The following SAFB variants were observed in gnomAD, a reference collection of about 807,000 sequenced individuals.
The protein encoded by SAFB is scaffold attachment factor B1.
SAFB carries 15 observed loss-of-function variants against 101.6 expected under a neutral mutation model. The ratio of observed to expected loss-of-function variants is 0.15; its 90% CI spans 0.10 to 0.23. The LOEUF (loss-of-function observed/expected upper bound fraction) is 0.23, where lower values mean the gene tolerates loss of function less well. SAFB is among the 10% of genes least tolerant of loss of function. The pLI is 1.00. For missense variants in SAFB, 930 were observed against 1,104.1 expected (o/e 0.84, Z 2.23); for synonymous variants, 449 against 407.5 (o/e 1.10, Z -1.23).
At chr19:5,659,663 G>T (rs976914575) in intron 14 of SAFB, among the ~76,000 whole-genome samples, 3 of 151,264 alleles carry the variant, frequency 2.0e-5, no homozygotes, top group African/African-American at 4.9e-5. Context: ...TTACAGGCGT[G>T]AGCCACTGCG....
rs1411830947 is a variant in SAFB, at chr19:5,653,326, T to G, written c.1444-12T>G. On this transcript the variant is annotated splice_polypyrimidine_tract_variant and intron_variant, in intron 10 of 20. Coordinates refer to ENST00000588852, the MANE Select transcript of SAFB (RefSeq NM_001201338.2). Reference sequence around the variant, plus strand: ...TTAGGAAATGGGGGTAATACTTGATTCTCTTTTTCAGGCCAAAAATGAACC... The same window carrying G: ...TTAGGAAATGGGGGTAATACTTGATGCTCTTTTTCAGGCCAAAAATGAACC... The G allele has an allele frequency of 6.2e-7, 1 of 1,614,094 alleles. No individual in the cohort carries two copies. The highest frequency in any genetic ancestry group is 8.5e-7 in the Non-Finnish European group (1 of 1,179,986).
chr19:5,627,449 CA>C (rs772624367), intron 2 of SAFB, among the ~76,000 whole-genome samples: 1 of 152,150 alleles, frequency 6.6e-6, no homozygotes, highest in Non-Finnish European at 1.5e-5. Context: ...ACATGGAGTC[CA>C]AAAAGTAGGA....
intron 6 of SAFB, 171 bp downstream of exon 6, chr19:5,648,214 A>G (rs2053865496): frequency 3.4e-6 from 2 of 587,568 alleles, no homozygotes; most frequent in Non-Finnish European, 6.0e-6. Context: ...ACCCAGCCAT[A>G]TCACCAGATC....
In SAFB at chr19:5,641,770, C is replaced by G. The variant is rs772315227; in HGVS notation, c.370C>G (p.Gln124Glu). Residue 124 changes from glutamine (Q) to glutamate (E), a missense_variant, in exon 4 of 21, where the codon CAG becomes GAG. Gln to Glu is a conservative substitution (Grantham distance 29). Transcript: ENST00000588852. ...EDVETSLENL[Q>E]DIDIMDISVL... ...TGTTGAGACCAGTCTGGAGAACTTGCAGGACATCGACATCATGGATATCAG... is the reference window on the plus strand; with the variant it reads ...TGTTGAGACCAGTCTGGAGAACTTGGAGGACATCGACATCATGGATATCAG... 30 of 1,613,986 alleles carry G rather than the reference C, an allele frequency of 1.9e-5. No individual in the cohort carries two copies. Among genetic ancestry groups the G allele is most frequent in the Non-Finnish European group, 2.5e-5 (30 of 1,179,974 alleles).
In SAFB at chr19:5,626,493, T is replaced by G. The variant is rs1234746591; in HGVS notation, c.274+4T>G. 6.4e-7 allele frequency: 1 copy of G among 1,562,388 alleles called. No homozygotes were observed. The highest frequency in any genetic ancestry group is 1.7e-5 in the Admixed American group (1 of 58,804). On this transcript the variant is annotated splice_donor_region_variant and intron_variant, in intron 2 of 20. Transcript: ENST00000588852. ...ACATCAAAGAGGTCTAGCAAAGGTA[T>G]GGAGGATTTCATAAGCAAGTTTCAT...
rs767994379 is a variant in SAFB, at chr19:5,667,201, C to A, written c.2453+37C>A. 3.0e-5 allele frequency: 39 copies of A among 1,321,906 alleles called. 1 individual carries two copies. The South Asian group carries it at 4.0e-4, about 14-fold the overall frequency. 81.9% of individuals were successfully genotyped at this position (1,321,906 alleles called of 1,614,324 possible). A position where few individuals can be genotyped will look rare whatever the true frequency, so the allele number is the denominator to read the frequency against. ...ACACCCGACAGTACCTGACCCCCCC[C>A]CCGCCCACAAGGGGGCCCGCAAGTC... On this transcript the variant is annotated intron_variant, in intron 18 of 20. Transcript: ENST00000588852. The surrounding 1 kb of genome is among the most constrained non-coding windows in gnomAD (Gnocchi z 4.0).
intron 14 of SAFB, among the ~76,000 whole-genome samples, chr19:5,660,417 A>G (rs551597990): frequency 6.1e-5 from 8 of 132,190 alleles, no homozygotes; most frequent in Non-Finnish European, 4.6e-5. Flanking sequence ...AAGTGGTGCA[A>G]TCATAGTTCA....
chr19:5,627,743 TCCTC>T, intron 2 of SAFB, among the ~76,000 whole-genome samples: 1 of 152,206 alleles, frequency 6.6e-6, no homozygotes, highest in Non-Finnish European at 1.5e-5. Flanking sequence ...GAGACCTAGT[TCCTC>T]AAAAGACAAC....
intron 2 of SAFB, among the ~76,000 whole-genome samples, chr19:5,640,025 G>GT (rs752150674): frequency 3.4e-4 from 51 of 151,664 alleles, no homozygotes; most frequent in South Asian, 2.3e-3. Flanking sequence ...TGTTTTTTTG[G>GT]TTTTTTTTAG....
At chr19:5,641,991 G>A (rs1191112153) in intron 4 of SAFB, 45 bp downstream of exon 4, 2 of 1,460,450 alleles carry the variant, frequency 1.4e-6, no homozygotes, top group Non-Finnish European at 1.9e-6. Flanking sequence ...GAATGTATCA[G>A]TTCCACAATT....
At chr19:5,625,943 T>G (rs2053349342) in intron 1 of SAFB, among the ~76,000 whole-genome samples, 1 of 152,096 alleles carries the variant, frequency 6.6e-6, no homozygotes, top group African/African-American at 2.4e-5. Flanking sequence ...AGGCACGGCG[T>G]GGAGGGAGTC....
In SAFB at chr19:5,668,369, A is replaced by ATT; in HGVS notation, c.*86_*87dup. ...GAGTTACCTTAAACTGTGTAAAAAT[A>ATT]TTTTTTTTTAATCTGCTGCCATATT... On this transcript the variant is annotated 3_prime_UTR_variant, in exon 21 of 21. Transcript: ENST00000588852. 1.4e-6 allele frequency: 2 copies of ATT among 1,459,948 alleles called. No homozygotes were observed. The highest frequency in any genetic ancestry group is 9.1e-7 in the Non-Finnish European group (1 of 1,103,264). 90.4% of individuals were successfully genotyped at this position (1,459,948 alleles called of 1,614,324 possible).
At chr19:5,625,663 T>C (rs2145388014) in intron 1 of SAFB, among the ~76,000 whole-genome samples, 1 of 152,324 alleles carries the variant, frequency 6.6e-6, no homozygotes, top group South Asian at 2.1e-4. Flanking sequence ...ATGGCTTAGT[T>C]GATGCCAGGC....
chr19:5,656,576 T>A (rs2054066117), intron 13 of SAFB, among the ~76,000 whole-genome samples: 2 of 100,506 alleles, frequency 2.0e-5, no homozygotes, highest in Non-Finnish European at 4.2e-5. Context: ...GCGCCAGCAA[T>A]TTTTTTTTTT....
intron 15 of SAFB, among the ~76,000 whole-genome samples, chr19:5,663,130 G>A (rs889605595): frequency 6.6e-6 from 1 of 151,926 alleles, no homozygotes; most frequent in East Asian, 1.9e-4. Context: ...ACTCTCCCAA[G>A]TAGCTAGGAT....
chr19:5,667,272 C>A lies in SAFB; in HGVS notation c.2454-75C>A, dbSNP rs2054352737. ...TGGGAAACACAGAGGGATTCACTCT[C>A]CAGAAGCCGCCACAGTTATTAGCAC... On this transcript the variant is annotated intron_variant, in intron 18 of 20. Transcript: ENST00000588852. The surrounding 1 kb of genome is among the most constrained non-coding windows in gnomAD (Gnocchi z 4.0). 1.5e-6 allele frequency: 2 copies of A among 1,305,006 alleles called. No homozygotes were observed. Among genetic ancestry groups the A allele is most frequent in the Non-Finnish European group, 2.1e-6 (2 of 961,344 alleles). The allele number at this position is 1,305,006 out of a possible 1,614,324, so 80.8% of individuals were successfully genotyped here.
intron 14 of SAFB, among the ~76,000 whole-genome samples, chr19:5,660,494 C>T (rs537048650): frequency 6.6e-6 from 1 of 151,246 alleles, no homozygotes; most frequent in South Asian, 2.1e-4. Flanking sequence ...GTAGCTACCA[C>T]GCCTGGCTAA....
At chr19:5,639,481 T>G (rs909115827) in intron 2 of SAFB, among the ~76,000 whole-genome samples, 6 of 151,924 alleles carry the variant, frequency 3.9e-5, no homozygotes, top group Non-Finnish European at 5.9e-5. Context: ...TCACCTGAGG[T>G]CAGGAGTTTG....
At chr19:5,659,706 AAAAC>A (rs773936728) in intron 14 of SAFB, among the ~76,000 whole-genome samples, 13 of 152,168 alleles carry the variant, frequency 8.5e-5, no homozygotes, top group East Asian at 7.7e-4. Flanking sequence ...AAAAAAAAAA[AAAAC>A]AAAGTCTCCC....
Sources: allele counts gnomAD v4.1 joint callset (sites outside exome capture counted in the v4.1 genomes callset), GRCh38; gene constraint gnomAD v4.1.1; non-coding constraint Gnocchi (gnomAD v3.1); transcripts MANE v1.5; gene names NCBI Gene and HGNC (gene_info 2026-07-23, HGNC 2026-07-21).